Variants in TMEM67 observed in about 807,000 individuals in gnomAD.
The protein encoded by TMEM67 is transmembrane protein 67.
TMEM67 carries 124 observed loss-of-function variants against 136.6 expected under a neutral mutation model. The ratio of observed to expected loss-of-function variants is 0.91; its 90% CI spans 0.78 to 1.05. The LOEUF (loss-of-function observed/expected upper bound fraction) is 1.05. Ranked by LOEUF, TMEM67 falls within the 50% of genes least tolerant of loss-of-function variation. The pLI is 0.00. For synonymous variants in TMEM67, 364 were observed against 390.5 expected, an observed-to-expected ratio of 0.93 and a Z score of 0.80; for missense variants, 1,107 against 1,178.4, an observed-to-expected ratio of 0.94 and a Z score of 0.89.
At chr8:93,813,064 C>T (rs1269693253) in intron 26 of TMEM67, among the ~76,000 whole-genome samples, 1 of 151,956 alleles carries the variant, frequency 6.6e-6, no homozygotes, top group Non-Finnish European at 1.5e-5. Context: ...CAATCATCAC[C>T]TTCTTTCTTC....
chr8:93,772,190 T>C (rs1813356624), intron 6 of TMEM67, among the ~76,000 whole-genome samples: 5 of 152,184 alleles, frequency 3.3e-5, no homozygotes. Flanking sequence ...ACTTTGGAGA[T>C]TTGAAATTAT....
In TMEM67 at chr8:93,780,587, T is replaced by C; in HGVS notation, c.715-6T>C. 2 of 1,614,062 alleles carry C rather than the reference T, an allele frequency of 1.2e-6. No homozygotes were observed. The highest frequency in any genetic ancestry group is 1.7e-6 in the Non-Finnish European group (2 of 1,179,984). On this transcript the variant is annotated splice_region_variant and splice_polypyrimidine_tract_variant and intron_variant, in intron 7 of 27. Coordinates refer to ENST00000453321, the MANE Select transcript of TMEM67 (RefSeq NM_153704.6). ...GTTACTTTTCTTTGCCATTGTTCTG[T>C]TGTAGGTATATGCCAATCTAACATC...
intron 25 of TMEM67, 108 bp downstream of exon 25, chr8:93,809,269 AC>A: frequency 1.4e-6 from 1 of 740,510 alleles, no homozygotes. Flanking sequence ...TAAACTTAGA[AC>A]CCCCACCTTA....
In TMEM67 at chr8:93,799,773, A is replaced by G. The variant is rs201043898; in HGVS notation, c.2241+15A>G. The G allele has an allele frequency of 9.7e-5, 155 of 1,605,704 alleles. No individual in the cohort carries two copies. In the African/African-American group the frequency reaches 1.8e-3, roughly 19 times the overall value. The stretch of plus-strand genomic sequence containing the variant: ...GAATTATACAGGTAAGGAATTATAC[A>G]GGTAATATTACTTCTAAGTAACATT... On this transcript the variant is annotated intron_variant, in intron 21 of 27. Transcript: ENST00000453321.
At chr8:93,782,052 T>A (rs1813860020) in intron 10 of TMEM67, among the ~76,000 whole-genome samples, 1 of 152,172 alleles carries the variant, frequency 6.6e-6, no homozygotes, top group South Asian at 2.1e-4. Flanking sequence ...GAGCTGGAAC[T>A]ACAGGCGACT....
intron 19 of TMEM67, 24 bp from the exon 20 acceptor site, chr8:93,797,307 T>C: frequency 6.2e-7 from 1 of 1,614,128 alleles, no homozygotes; most frequent in Non-Finnish European, 8.5e-7. Flanking sequence ...AAAACTCTTT[T>C]ACTCATTTTA....
chr8:93,803,281 C>A (rs1225376183), intron 21 of TMEM67, among the ~76,000 whole-genome samples: 1 of 152,182 alleles, frequency 6.6e-6, no homozygotes, highest in Admixed American at 6.6e-5. Flanking sequence ...AAACATAAAT[C>A]TGACCATCGA....
intron 27 of TMEM67, 128 bp from the exon 28 acceptor site, chr8:93,816,244 G>A: frequency 2.0e-6 from 1 of 506,142 alleles, no homozygotes; most frequent in Non-Finnish European, 3.6e-6. Flanking sequence ...GTATCACTAT[G>A]GGATTCAGAT....
intron 13 of TMEM67, among the ~76,000 whole-genome samples, chr8:93,787,469 C>T (rs1814165316): frequency 6.6e-6 from 1 of 152,140 alleles, no homozygotes; most frequent in Admixed American, 6.5e-5. Context: ...TCTTATCTGC[C>T]TTTCTTTAGG....
intron 2 of TMEM67, among the ~76,000 whole-genome samples, chr8:93,758,280 T>A (rs1384617663): frequency 6.6e-6 from 1 of 152,224 alleles, no homozygotes; most frequent in Non-Finnish European, 1.5e-5. Context: ...TTAATAGTTT[T>A]CAGGACATAG....
intron 7 of TMEM67, 44 bp from the exon 8 acceptor site, chr8:93,780,549 T>C (rs779828096): frequency 1.4e-5 from 22 of 1,612,506 alleles, no homozygotes; most frequent in Non-Finnish European, 1.9e-5. Flanking sequence ...TTGCATAGAC[T>C]GTTCAGGTTC....
At chr8:93,772,820 G>C (rs1813383858) in intron 7 of TMEM67, among the ~76,000 whole-genome samples, 169 bp downstream of exon 7, 1 of 152,186 alleles carries the variant, frequency 6.6e-6, no homozygotes. Flanking sequence ...TGAAGAAGAT[G>C]TTATTTAGTA....
intron 14 of TMEM67, among the ~76,000 whole-genome samples, chr8:93,790,993 A>G (rs1301697176): frequency 6.6e-6 from 1 of 152,264 alleles, no homozygotes; most frequent in Non-Finnish European, 1.5e-5. Context: ...AGTCTATCAG[A>G]AAATGAAATA....
chr8:93,778,663 A>T (rs1341037687), intron 7 of TMEM67, among the ~76,000 whole-genome samples: 1 of 152,136 alleles, frequency 6.6e-6, no homozygotes, highest in African/African-American at 2.4e-5. Context: ...TCTTTTCTTT[A>T]AGAATGTTGA....
At chr8:93,814,291 C>T (rs926848502) in intron 26 of TMEM67, among the ~76,000 whole-genome samples, 23 of 151,814 alleles carry the variant, frequency 1.5e-4, no homozygotes, top group Non-Finnish European at 2.8e-4. Flanking sequence ...AGGCGCCCGC[C>T]ACCATGCGTG....
At chr8:93,777,362 T>C (rs997204883) in intron 7 of TMEM67, among the ~76,000 whole-genome samples, 2 of 152,216 alleles carry the variant, frequency 1.3e-5, no homozygotes, top group Non-Finnish European at 2.9e-5. Flanking sequence ...TCAGTTCTCC[T>C]CTGGTCTTAG....
At chr8:93,793,354 C>T in intron 16 of TMEM67, 58 bp downstream of exon 16, 4 of 1,373,438 alleles carry the variant, frequency 2.9e-6, no homozygotes, top group Non-Finnish European at 4.2e-6. Flanking sequence ...CTGGATCCTT[C>T]TCATAAGACA....
chr8:93,766,809 G>A (rs1316423118), intron 6 of TMEM67, among the ~76,000 whole-genome samples: 1 of 152,092 alleles, frequency 6.6e-6, no homozygotes, highest in African/African-American at 2.4e-5. Flanking sequence ...AGACAGGCAA[G>A]TACCAAGTAG....
intron 7 of TMEM67, among the ~76,000 whole-genome samples, chr8:93,772,930 C>T (rs545662824): frequency 3.3e-5 from 5 of 151,992 alleles, no homozygotes; most frequent in East Asian, 1.9e-4. Context: ...TACTGTGTGC[C>T]GGGCCCAATT....
Sources: gnomAD v4.1 joint callset for allele counts (sites outside exome capture counted in the v4.1 genomes callset) on GRCh38, gnomAD v4.1.1 for gene constraint, MANE v1.5 for transcripts, NCBI Gene and HGNC (gene_info 2026-07-23, HGNC 2026-07-21) for gene names.